The following ADGRB3 variants were observed in gnomAD, a reference collection of about 807,000 sequenced individuals.
ADGRB3 encodes adhesion G protein-coupled receptor B3.
Under a neutral mutation model 193.4 loss-of-function variants are expected in ADGRB3, and 37 were observed. That is an observed-to-expected ratio of 0.19 (90% CI 0.15 to 0.25). The LOEUF (loss-of-function observed/expected upper bound fraction) is 0.25. Among genes scored for constraint, ADGRB3 ranks in the 10% least tolerant of loss-of-function variants. The pLI, the probability that ADGRB3 is intolerant of heterozygous loss-of-function variation, is 1.00. For synonymous variants in ADGRB3, 690 were observed against 644.2 expected (o/e 1.07, Z -1.08); for missense variants, 1,637 against 1,852.9 (o/e 0.88, Z 2.14).
intron 3 of ADGRB3, among the ~76,000 whole-genome samples, chr6:68,843,909 A>G (rs1211917962): frequency 6.6e-6 from 1 of 152,152 alleles, no homozygotes; most frequent in Admixed American, 6.5e-5. Context: ...GCTGCCAAGA[A>G]TGTACATTGG....
intron 20 of ADGRB3, among the ~76,000 whole-genome samples, chr6:69,311,902 T>G (rs1218784174): frequency 6.6e-6 from 1 of 151,878 alleles, no homozygotes; most frequent in Non-Finnish European, 1.5e-5. Flanking sequence ...AACTCATACC[T>G]ACATCCTCTT....
At chr6:69,136,082 A>C (rs1326296316) in intron 17 of ADGRB3, among the ~76,000 whole-genome samples, 1 of 152,064 alleles carries the variant, frequency 6.6e-6, no homozygotes, top group Admixed American at 6.5e-5. Context: ...CCTAGTATGA[A>C]TATATGTATA....
At chr6:68,976,721 T>C (rs1472642711) in intron 10 of ADGRB3, among the ~76,000 whole-genome samples, 2 of 152,154 alleles carry the variant, frequency 1.3e-5, no homozygotes, top group Non-Finnish European at 2.9e-5. Flanking sequence ...ATAAAAGTCT[T>C]CATCCTCATT....
At chr6:69,261,699 T>C (rs925688544) in intron 20 of ADGRB3, among the ~76,000 whole-genome samples, 1 of 152,030 alleles carries the variant, frequency 6.6e-6, no homozygotes, top group African/African-American at 2.4e-5. Context: ...TGGGTATTCA[T>C]GGTAAATATT....
rs62418320 is a variant in ADGRB3, at chr6:69,012,193, A to G, written c.1930-1845A>G. On this transcript the variant is annotated intron_variant, in intron 11 of 31. Coordinates refer to ENST00000370598, the MANE Select transcript of ADGRB3 (RefSeq NM_001704.3). ...CACTGTCAGCAAAACATGCTTTGTG[A>G]AATGTTTTTTTTTGTTTTTGTTTTG... Among the ~76,000 whole-genome samples the G allele has an allele frequency of 3.0e-3, 458 of 152,110 alleles. 1 individual carries two copies. Among genetic ancestry groups the G allele is most frequent in the Middle Eastern group, 6.8e-3 (2 of 294 alleles).
At chr6:69,320,734 T>C (rs1427904443) in intron 20 of ADGRB3, among the ~76,000 whole-genome samples, 2 of 151,674 alleles carry the variant, frequency 1.3e-5, no homozygotes, top group African/African-American at 2.4e-5. Context: ...CGTCAATATC[T>C]TTCTTTTTAC....
At chr6:68,664,346 T>C (rs1313726224) in intron 3 of ADGRB3, among the ~76,000 whole-genome samples, 1 of 151,798 alleles carries the variant, frequency 6.6e-6, no homozygotes, top group Non-Finnish European at 1.5e-5. Context: ...GAAATCCTAA[T>C]GCTAATGTGA....
intron 11 of ADGRB3, among the ~76,000 whole-genome samples, chr6:68,999,022 C>T (rs550762115): frequency 6.6e-6 from 1 of 152,304 alleles, no homozygotes; most frequent in African/African-American, 2.4e-5. Context: ...TGTGACAATA[C>T]TAAGCTGTCT....
chr6:69,360,788 G>C, intron 28 of ADGRB3, 81 bp from the exon 29 acceptor site: 1 of 1,364,424 alleles, frequency 7.3e-7, no homozygotes, highest in Non-Finnish European at 1.0e-6. Context: ...ATGTTTAGTA[G>C]AAAGCGAGAC....
chr6:68,861,352 T>C (rs918996136), intron 3 of ADGRB3, among the ~76,000 whole-genome samples: 1 of 152,020 alleles, frequency 6.6e-6, no homozygotes, highest in Admixed American at 6.6e-5. Context: ...GGCAGGCAGA[T>C]CACAAGGTCA....
intron 17 of ADGRB3, among the ~76,000 whole-genome samples, chr6:69,167,712 A>G (rs936449035): frequency 2.0e-5 from 3 of 152,176 alleles, no homozygotes; most frequent in Admixed American, 1.3e-4. Context: ...GAGTCCACAA[A>G]AATAACCAGA....
At chr6:68,708,595 A>T (rs1765362548) in intron 3 of ADGRB3, among the ~76,000 whole-genome samples, 1 of 152,210 alleles carries the variant, frequency 6.6e-6, no homozygotes, top group Non-Finnish European at 1.5e-5. Flanking sequence ...ATTTTTTAAA[A>T]ACAAAACCGA....
chr6:68,983,736 T>C (rs1768992714), intron 10 of ADGRB3, among the ~76,000 whole-genome samples: 1 of 151,912 alleles, frequency 6.6e-6, no homozygotes, highest in South Asian at 2.1e-4. Flanking sequence ...AGACAGGAGA[T>C]GCGATTAAAA....
At chr6:68,818,194 C>T (rs1242212999) in intron 3 of ADGRB3, among the ~76,000 whole-genome samples, 1 of 152,048 alleles carries the variant, frequency 6.6e-6, no homozygotes. Context: ...ATGTGCGCAC[C>T]GCCTTCTCCA....
chr6:69,125,755 T>TATTTA (rs1773833838), intron 17 of ADGRB3, among the ~76,000 whole-genome samples: 1 of 152,242 alleles, frequency 6.6e-6, no homozygotes, highest in South Asian at 2.1e-4. Flanking sequence ...TTATTTAATT[T>TATTTA]ATTTAATGAA....
chr6:69,280,147 C>G (rs1339270274), intron 20 of ADGRB3, among the ~76,000 whole-genome samples: 3 of 152,130 alleles, frequency 2.0e-5, no homozygotes, highest in Non-Finnish European at 4.4e-5. Context: ...AAAGTTTGCT[C>G]TCTATTCTGC....
At chr6:68,636,194 A>C (rs1320318764) in intron 1 of ADGRB3, among the ~76,000 whole-genome samples, 194 bp downstream of exon 1, 1 of 152,122 alleles carries the variant, frequency 6.6e-6, no homozygotes, top group Admixed American at 6.5e-5. Context: ...CTGGTTTTCA[A>C]GAGATGTGCT....
intron 17 of ADGRB3, among the ~76,000 whole-genome samples, chr6:69,151,477 G>T (rs1219068666): frequency 6.6e-6 from 1 of 152,194 alleles, no homozygotes; most frequent in Non-Finnish European, 1.5e-5. Flanking sequence ...GAATGGGGGA[G>T]AGTTGGCATC....
intron 10 of ADGRB3, among the ~76,000 whole-genome samples, chr6:68,986,525 T>C (rs1350991849): frequency 6.6e-6 from 1 of 152,210 alleles, no homozygotes; most frequent in African/African-American, 2.4e-5. Context: ...TTACCAGAAC[T>C]AAGGGTATAC....
Sources: gnomAD v4.1 joint callset for allele counts (sites outside exome capture counted in the v4.1 genomes callset) on GRCh38, gnomAD v4.1.1 for gene constraint, MANE v1.5 for transcripts, NCBI Gene and HGNC (gene_info 2026-07-23, HGNC 2026-07-21) for gene names.